The following PREX2 variants were observed in gnomAD, a reference collection of about 807,000 sequenced individuals.
The protein encoded by PREX2 is phosphatidylinositol-3,4,5-trisphosphate dependent Rac exchange factor 2.
A neutral mutation model predicts 203.2 loss-of-function variants in PREX2; 107 were observed. That is an observed-to-expected ratio of 0.53 (90% CI 0.45 to 0.62). PREX2 has a LOEUF of 0.62. Ranked by LOEUF, PREX2 falls within the 20% of genes least tolerant of loss-of-function variation. The pLI is 0.00. For synonymous variants in PREX2, 672 were observed against 663.6 expected, an observed-to-expected ratio of 1.01 and a Z score of -0.19; for missense variants, 1,777 against 1,955.9, an observed-to-expected ratio of 0.91 and a Z score of 1.72.
intron 35 of PREX2, among the ~76,000 whole-genome samples, chr8:68,164,898 T>TTTTC (rs1237517452): frequency 6.6e-6 from 1 of 150,956 alleles, no homozygotes; most frequent in East Asian, 1.9e-4. Flanking sequence ...TTTTTTTTTT[T>TTTTC]TTTTTACCAA....
chr8:67,982,249 C>A (rs1309198247), intron 1 of PREX2, among the ~76,000 whole-genome samples: 1 of 151,920 alleles, frequency 6.6e-6, no homozygotes, highest in Non-Finnish European at 1.5e-5. Context: ...CATGGTGAGA[C>A]CCTGTCTCTA....
intron 23 of PREX2, among the ~76,000 whole-genome samples, chr8:68,101,185 T>A (rs369049083): frequency 6.6e-6 from 1 of 152,154 alleles, no homozygotes; most frequent in Admixed American, 6.5e-5. Context: ...TTTATGTTCT[T>A]GATATGGTAA....
At chr8:68,180,893 G>C (rs1812072065) in intron 35 of PREX2, among the ~76,000 whole-genome samples, 1 of 151,964 alleles carries the variant, frequency 6.6e-6, no homozygotes, top group Non-Finnish European at 1.5e-5. Context: ...GAAAAGGAGA[G>C]GAGTTATTGG....
chr8:68,118,223 C>T (rs1016405432), intron 26 of PREX2, among the ~76,000 whole-genome samples: 1 of 151,726 alleles, frequency 6.6e-6, no homozygotes, highest in South Asian at 2.1e-4. Context: ...GGTGTGGTGG[C>T]GGGCGCCTGT....
chr8:68,202,741 A>G (rs1812530128), intron 37 of PREX2, among the ~76,000 whole-genome samples: 1 of 152,158 alleles, frequency 6.6e-6, no homozygotes, highest in Non-Finnish European at 1.5e-5. Context: ...TAGGACAGAG[A>G]GAGACAGAGA....
At chr8:68,069,428 T>TA (rs771652394) in intron 12 of PREX2, among the ~76,000 whole-genome samples, 13 of 150,916 alleles carry the variant, frequency 8.6e-5, no homozygotes, top group Non-Finnish European at 1.6e-4. Context: ...ATACTTGAAT[T>TA]AAAAAAAATA....
At chr8:68,146,693 T>A (rs1811332775) in intron 34 of PREX2, among the ~76,000 whole-genome samples, 1 of 152,142 alleles carries the variant, frequency 6.6e-6, no homozygotes, top group South Asian at 2.1e-4. Flanking sequence ...AAAGTTAATA[T>A]ATGCATGCAG....
intron 14 of PREX2, among the ~76,000 whole-genome samples, chr8:68,076,435 C>A (rs560651085): frequency 6.6e-6 from 1 of 151,232 alleles, no homozygotes; most frequent in Non-Finnish European, 1.5e-5. Flanking sequence ...CCAGCCTGAG[C>A]GACAGAGTGA....
chr8:67,994,638 A>C (rs1253727327), intron 1 of PREX2, among the ~76,000 whole-genome samples: 1 of 152,248 alleles, frequency 6.6e-6, no homozygotes, highest in Non-Finnish European at 1.5e-5. Context: ...GGCCTTGTTA[A>C]GCATCTATAT....
At chr8:68,052,091 A>T (rs1200527455) in intron 8 of PREX2, among the ~76,000 whole-genome samples, 2 of 152,014 alleles carry the variant, frequency 1.3e-5, no homozygotes, top group African/African-American at 4.8e-5. Context: ...ATCATCTGAG[A>T]AAAAAAAGAA....
At position 68,155,532 on chromosome 8, in the gene PREX2, C is replaced by A. The variant is rs142194738; in HGVS notation, c.4232-1790C>A. Among the ~76,000 whole-genome samples the A allele has an allele frequency of 9.9e-4, 151 of 152,246 alleles. 1 individual carries two copies. The highest frequency in any genetic ancestry group is 3.4e-3 in the African/African-American group (142 of 41,546). ...AGCAGTCAGTTTCCTATTTCCCCCCCTCAAAATGGTGATAGTTTCTTTCAC... is the reference window on the plus strand; with the variant it reads ...AGCAGTCAGTTTCCTATTTCCCCCCATCAAAATGGTGATAGTTTCTTTCAC... On this transcript the variant is annotated intron_variant, in intron 34 of 39. Coordinates refer to ENST00000288368, the MANE Select transcript of PREX2 (RefSeq NM_024870.4).
chr8:68,209,532 GA>G (rs1266422491), intron 37 of PREX2, among the ~76,000 whole-genome samples: 1 of 152,056 alleles, frequency 6.6e-6, no homozygotes, highest in Admixed American at 6.5e-5. Flanking sequence ...CATAATCTCT[GA>G]AGCATGCATT....
At chr8:67,953,825 A>T (rs1260277303) in intron 1 of PREX2, among the ~76,000 whole-genome samples, 5 of 152,206 alleles carry the variant, frequency 3.3e-5, no homozygotes, top group Non-Finnish European at 7.3e-5. Flanking sequence ...TGGTTTATAG[A>T]ATTATTATAT....
Position 67,966,718 on chromosome 8 carries a change from A to C in PREX2, c.141+14183A>C, listed in dbSNP as rs115666207. 9.7e-3 allele frequency among the ~76,000 whole-genome samples: 1,480 copies of C among 152,338 alleles called. 39 individuals carry two copies. The highest frequency in any genetic ancestry group is 0.034 in the African/African-American group (1,402 of 41,566). On this transcript the variant is annotated intron_variant, in intron 1 of 39. Coordinates refer to ENST00000288368, the MANE Select transcript of PREX2 (RefSeq NM_024870.4). ...GTGAAAAAACTTATTTTCAGCAATG[A>C]ATCAGGCAACCTAAAAAATAACCCC...
At chr8:68,209,078 A>C (rs891254972) in intron 37 of PREX2, among the ~76,000 whole-genome samples, 1 of 151,356 alleles carries the variant, frequency 6.6e-6, no homozygotes, top group Admixed American at 6.6e-5. Context: ...TTTAAAAAAA[A>C]AAAAAAAAAA....
At chr8:68,079,664 T>C (rs940569837) in intron 15 of PREX2, among the ~76,000 whole-genome samples, 1 of 150,282 alleles carries the variant, frequency 6.7e-6, no homozygotes, top group African/African-American at 2.4e-5. Flanking sequence ...CTTTTTTTTG[T>C]AAAGTATTTT....
chr8:68,130,005 C>T (rs1211313973), intron 31 of PREX2, among the ~76,000 whole-genome samples: 1 of 150,780 alleles, frequency 6.6e-6, no homozygotes, highest in Non-Finnish European at 1.5e-5. Flanking sequence ...AGGCAGTGTG[C>T]CCTGGTCCAT....
intron 1 of PREX2, among the ~76,000 whole-genome samples, chr8:67,998,707 C>T (rs1195400070): frequency 6.6e-6 from 1 of 152,160 alleles, no homozygotes; most frequent in East Asian, 1.9e-4. Flanking sequence ...GAGTTTGAGG[C>T]TGCAGTGAGC....
intron 8 of PREX2, among the ~76,000 whole-genome samples, chr8:68,045,378 G>A (rs752523390): frequency 1.3e-4 from 20 of 152,156 alleles, no homozygotes; most frequent in East Asian, 3.9e-4. Context: ...AGTGATATTC[G>A]TTATACATGT....
Sources: gnomAD v4.1 joint callset for allele counts (sites outside exome capture counted in the v4.1 genomes callset) on GRCh38, gnomAD v4.1.1 for gene constraint, MANE v1.5 for transcripts, NCBI Gene and HGNC (gene_info 2026-07-23, HGNC 2026-07-21) for gene names.